ABTB3: variants seen among roughly 807,000 people sequenced by gnomAD.
ABTB3 encodes the protein ankyrin repeat- and BTB/POZ domain-containing protein 3.
At chr12:107,566,781 A>C in the ABTB3 span, among the ~76,000 whole-genome samples, 1 of 152,122 alleles carries the variant, frequency 6.6e-6, no homozygotes, top group Non-Finnish European at 1.5e-5. Flanking sequence ...TGGAGATCAG[A>C]ATCACCTCAG....
At chr12:107,603,476 A>T in the ABTB3 span, among the ~76,000 whole-genome samples, 1 of 152,200 alleles carries the variant, frequency 6.6e-6, no homozygotes, top group Non-Finnish European at 1.5e-5. Context: ...ATGGCAAAGG[A>T]CGCTCTCTTC....
chr12:107,428,740 A>G, the ABTB3 span, among the ~76,000 whole-genome samples: 2 of 152,262 alleles, frequency 1.3e-5, no homozygotes, highest in Admixed American at 1.3e-4. Context: ...AGTCCAAACT[A>G]AAATTCCACA....
At chr12:107,463,708 C>T in the ABTB3 span, among the ~76,000 whole-genome samples, 4 of 152,310 alleles carry the variant, frequency 2.6e-5, no homozygotes, top group African/African-American at 9.6e-5. Flanking sequence ...CTCCATCGCA[C>T]CAGGCATGTG....
At chr12:107,643,842 C>G in the ABTB3 span, among the ~76,000 whole-genome samples, 1 of 150,108 alleles carries the variant, frequency 6.7e-6, no homozygotes, top group Non-Finnish European at 1.5e-5. Context: ...TGGCTCACGG[C>G]AACCTCCACC....
the ABTB3 span, among the ~76,000 whole-genome samples, chr12:107,591,828 G>T: frequency 2.0e-5 from 3 of 152,286 alleles, no homozygotes; most frequent in South Asian, 4.1e-4. Flanking sequence ...CCTACAAGGG[G>T]CTTCCTTTTC....
chr12:107,651,738 C>G, the ABTB3 span: 5 of 1,614,106 alleles, frequency 3.1e-6, no homozygotes, highest in Non-Finnish European at 4.2e-6. Flanking sequence ...ATTATCTGTG[C>G]GAAAAGCATC....
chr12:107,554,044 G>T, the ABTB3 span, among the ~76,000 whole-genome samples: 1 of 152,272 alleles, frequency 6.6e-6, no homozygotes, highest in Non-Finnish European at 1.5e-5. Context: ...CATAAGGGAT[G>T]GTAACGGAGA....
At chr12:107,657,968 C>T in the ABTB3 span, 1 of 534,584 alleles carries the variant, frequency 1.9e-6, no homozygotes, top group Non-Finnish European at 3.4e-6. Context: ...ACCCCTAGGA[C>T]CATTGAACAC....
chr12:107,546,796 C>T, the ABTB3 span, among the ~76,000 whole-genome samples: 8 of 152,124 alleles, frequency 5.3e-5, no homozygotes, highest in African/African-American at 1.7e-4. Flanking sequence ...ACCCAGGAGG[C>T]GGAGGTAGCA....
At chr12:107,559,052 T>C in the ABTB3 span, among the ~76,000 whole-genome samples, 7 of 152,184 alleles carry the variant, frequency 4.6e-5, no homozygotes, top group Non-Finnish European at 4.4e-5. Flanking sequence ...TTTCTCTCAC[T>C]TTCTGACAGC....
the ABTB3 span, among the ~76,000 whole-genome samples, chr12:107,395,718 G>A: frequency 1.4e-4 from 22 of 152,280 alleles, no homozygotes; most frequent in Non-Finnish European, 2.9e-4. Context: ...CCCCAGTGGG[G>A]GCCAGCTCTG....
chr12:107,501,200 T>C, the ABTB3 span, among the ~76,000 whole-genome samples: 7 of 152,318 alleles, frequency 4.6e-5, no homozygotes, highest in South Asian at 1.5e-3. Flanking sequence ...GTAAATGCCA[T>C]ATAAAGTCTT....
chr12:107,355,889 TCA>T, the ABTB3 span, among the ~76,000 whole-genome samples: 8 of 152,304 alleles, frequency 5.3e-5, no homozygotes, highest in African/African-American at 1.7e-4. Context: ...GCCCTAAACC[TCA>T]GTTATTGGTG....
chr12:107,469,861 C>CTTTCT, the ABTB3 span, among the ~76,000 whole-genome samples: 30 of 143,734 alleles, frequency 2.1e-4, no homozygotes, highest in African/African-American at 7.3e-4. Context: ...CTCTTTCTTT[C>CTTTCT]TTTCTTTTCT....
the ABTB3 span, chr12:107,318,861 C>T: frequency 4.8e-6 from 7 of 1,462,570 alleles, no homozygotes; most frequent in Admixed American, 1.4e-4. Context: ...TCGGCTCTCC[C>T]CGCGCCCCGC....
chr12:107,514,744 T>C, the ABTB3 span, among the ~76,000 whole-genome samples: 2 of 152,372 alleles, frequency 1.3e-5, no homozygotes, highest in Admixed American at 1.3e-4. Flanking sequence ...ATATAATCTT[T>C]GTGTAATAGA....
chr12:107,619,676 C>T, the ABTB3 span, among the ~76,000 whole-genome samples: 1 of 152,140 alleles, frequency 6.6e-6, no homozygotes, highest in Non-Finnish European at 1.5e-5. Flanking sequence ...CGTAATAATT[C>T]CAATATGCTA....
At chr12:107,558,035 TG>T in the ABTB3 span, among the ~76,000 whole-genome samples, 1 of 152,178 alleles carries the variant, frequency 6.6e-6, no homozygotes, top group African/African-American at 2.4e-5. Flanking sequence ...AGGTGGTATT[TG>T]AATCGGACTT....
the ABTB3 span, among the ~76,000 whole-genome samples, chr12:107,582,488 A>G: frequency 6.6e-6 from 1 of 152,086 alleles, no homozygotes; most frequent in Non-Finnish European, 1.5e-5. Context: ...TTGTCTGGGC[A>G]TTTTCTGGCT....
Sources: allele counts gnomAD v4.1 joint callset (sites outside exome capture counted in the v4.1 genomes callset), GRCh38; gene constraint gnomAD v4.1.1; transcripts MANE v1.5; gene names NCBI Gene and HGNC (gene_info 2026-07-23, HGNC 2026-07-21).